Variants in C5AR2 observed in about 807,000 individuals in gnomAD.
The protein encoded by C5AR2 is complement C5a receptor 2, also known as C5a anaphylatoxin chemotactic receptor 2.
For synonymous variants in C5AR2, 224 were observed against 216.5 expected (o/e 1.03, Z -0.30); for missense variants, 458 against 467.5 (o/e 0.98, Z 0.19).
chr19:47,341,674 T>C lies in C5AR2; in HGVS notation c.875T>C (p.Leu292Pro), dbSNP rs1568671556. ...AHSCLNPMLFLYFGRAQLRRS... is the reference protein window; with the variant it reads ...AHSCLNPMLFPYFGRAQLRRS... ...AGCTGCCTCAATCCCATGCTCTTCC[T>C]GTATTTTGGGAGGGCTCAACTCCGC... The change falls in exon 2 of 2, where the codon CTG (leucine) becomes CCG (proline). Residue 292 changes from leucine to proline, a missense_variant. By Grantham distance (98) the Leu-to-Pro change is moderately conservative (BLOSUM62 -3). Transcript: ENST00000595464. This position sits in a 1 kb window ranked among gnomAD's most constrained non-coding sequence, Gnocchi z 4.6. The C allele has an allele frequency of 6.2e-7, 1 of 1,614,080 alleles. No individual in the cohort carries two copies. Among genetic ancestry groups the C allele is most frequent in the Non-Finnish European group, 8.5e-7 (1 of 1,180,022 alleles).
At chr19:47,333,938 G>A (rs1208049449) in intron 1 of C5AR2, among the ~76,000 whole-genome samples, 1 of 152,148 alleles carries the variant, frequency 6.6e-6, no homozygotes, top group Non-Finnish European at 1.5e-5. Flanking sequence ...AAGACTGGAT[G>A]CACAGACAGG....
intron 1 of C5AR2, among the ~76,000 whole-genome samples, chr19:47,334,345 TA>T (rs2059349487): frequency 1.3e-5 from 2 of 151,952 alleles, no homozygotes; most frequent in Admixed American, 6.6e-5. Flanking sequence ...CAACCCATCG[TA>T]AGGCTGGGCA....
intron 1 of C5AR2, among the ~76,000 whole-genome samples, chr19:47,339,751 C>T (rs1002642855): frequency 3.3e-5 from 5 of 152,090 alleles, no homozygotes; most frequent in African/African-American, 9.7e-5. Flanking sequence ...GTTCTCGATG[C>T]CTGAAACACT....
chr19:47,340,163 C>T (rs983623825), intron 1 of C5AR2, among the ~76,000 whole-genome samples: 1 of 151,462 alleles, frequency 6.6e-6, no homozygotes, highest in African/African-American at 2.4e-5. Context: ...CCCTATGTTG[C>T]CCAGGCTGGT....
chr19:47,344,990 C>G lies in C5AR2; in HGVS notation c.*3177C>G, dbSNP rs907804863. 3 of 152,148 alleles carry G rather than the reference C, an allele frequency of 2.0e-5. No individual in the cohort carries two copies. Among genetic ancestry groups the G allele is most frequent in the Non-Finnish European group, 4.4e-5 (3 of 68,068 alleles). 9.4% of individuals were successfully genotyped at this position (152,148 alleles called of 1,614,324 possible). A position where few individuals can be genotyped will look rare whatever the true frequency, so the allele number is the denominator to read the frequency against. ...GTTTCACCATGTTGGCCAGGCTGGT[C>G]TCGAACTCCTGACCTCAGGTGATCC... On this transcript the variant is annotated 3_prime_UTR_variant, in exon 2 of 2. Transcript: ENST00000595464.
At chr19:47,335,272 T>C (rs1340618107) in intron 1 of C5AR2, among the ~76,000 whole-genome samples, 1 of 152,082 alleles carries the variant, frequency 6.6e-6, no homozygotes, top group East Asian at 1.9e-4. Context: ...GACAGTGGAC[T>C]GTTTTTGATG....
chr19:47,339,034 A>C (rs1208569245), intron 1 of C5AR2, among the ~76,000 whole-genome samples: 3 of 151,640 alleles, frequency 2.0e-5, no homozygotes, highest in Non-Finnish European at 4.4e-5. Context: ...TGTACCTGTA[A>C]TCTCAGCTAC....
At chr19:47,337,770 T>C (rs1026348046) in intron 1 of C5AR2, among the ~76,000 whole-genome samples, 4 of 152,020 alleles carry the variant, frequency 2.6e-5, no homozygotes, top group Non-Finnish European at 2.9e-5. Flanking sequence ...TTCAGACAGT[T>C]ATTATAAGGT....
chr19:47,333,937 T>A (rs1053436048), intron 1 of C5AR2, among the ~76,000 whole-genome samples: 1 of 152,160 alleles, frequency 6.6e-6, no homozygotes, highest in African/African-American at 2.4e-5. Flanking sequence ...CAAGACTGGA[T>A]GCACAGACAG....
chr19:47,344,660 A>G lies in C5AR2; in HGVS notation c.*2847A>G, dbSNP rs1056121659. On this transcript the variant is annotated 3_prime_UTR_variant, in exon 2 of 2. Transcript: ENST00000595464. Reference sequence around the variant, plus strand: ...TCCTCCAGGAAGCCCTCCCTGATTTATGCTCCTTCCAGAAAGAATGGGCTC... The same window carrying G: ...TCCTCCAGGAAGCCCTCCCTGATTTGTGCTCCTTCCAGAAAGAATGGGCTC... 3 of 152,164 alleles carry G rather than the reference A, an allele frequency of 2.0e-5. No individual in the cohort carries two copies. Among genetic ancestry groups the G allele is most frequent in the Non-Finnish European group, 4.4e-5 (3 of 68,032 alleles). 9.4% of individuals were successfully genotyped at this position (152,164 alleles called of 1,614,324 possible).
At position 47,335,861 on chromosome 19, in the gene C5AR2, G is replaced by A. The variant is rs577613831; in HGVS notation, c.-16+3512G>A. On this transcript the variant is annotated intron_variant, in intron 1 of 1. Transcript: ENST00000595464. ...GGGCCAGGAAGGGTGGAGTCTTTGC[G>A]GGGTGAGAGGATGCGTGTGGACAGT... Among the ~76,000 whole-genome samples the A allele has an allele frequency of 1.2e-4, 18 of 145,364 alleles. No individual in the cohort carries two copies. In the South Asian group the frequency reaches 1.3e-3, roughly 11 times the overall value.
At position 47,335,771 on chromosome 19, in the gene C5AR2, C is replaced by CAAAAAAAAAAA. The variant is rs768761019; in HGVS notation, c.-16+3443_-16+3453dup. 3.5e-3 allele frequency among the ~76,000 whole-genome samples: 80 copies of CAAAAAAAAAAA among 23,032 alleles called. 35 individuals are homozygous for CAAAAAAAAAAA. Among genetic ancestry groups the CAAAAAAAAAAA allele is most frequent in the African/African-American group, 4.2e-3 (20 of 4,748 alleles). 15.1% of individuals were successfully genotyped at this position (23,032 alleles called of 152,430 possible). A position where few individuals can be genotyped will look rare whatever the true frequency, so the allele number is the denominator to read the frequency against. On this transcript the variant is annotated intron_variant, in intron 1 of 1. Coordinates refer to ENST00000595464, the MANE Select transcript of C5AR2 (RefSeq NM_001271749.2). ...TGGGCGACAGAGTGATACTCCGTCT[C>CAAAAAAAAAAA]AAAAAAAAAAAAAAAAAAAAAAAAA...
At chr19:47,339,972 T>A (rs2122169150) in intron 1 of C5AR2, among the ~76,000 whole-genome samples, 1 of 152,210 alleles carries the variant, frequency 6.6e-6, no homozygotes, top group East Asian at 1.9e-4. Flanking sequence ...CTATTTTTTT[T>A]TATTTTTTGA....
At chr19:47,334,065 G>A (rs1035652996) in intron 1 of C5AR2, among the ~76,000 whole-genome samples, 7 of 151,940 alleles carry the variant, frequency 4.6e-5, no homozygotes, top group African/African-American at 1.5e-4. Context: ...ACCAAATATC[G>A]ACCATGCCTG....
intron 1 of C5AR2, among the ~76,000 whole-genome samples, chr19:47,340,476 AT>A (rs1231776412): frequency 6.6e-6 from 1 of 151,078 alleles, no homozygotes; most frequent in Non-Finnish European, 1.5e-5. Context: ...AGTAGCTGGG[AT>A]TACAGGTGCC....
chr19:47,339,777 G>A (rs145264437), intron 1 of C5AR2, among the ~76,000 whole-genome samples: 3 of 152,112 alleles, frequency 2.0e-5, no homozygotes, highest in East Asian at 3.9e-4. Flanking sequence ...CCCAGATCTC[G>A]ATGCATCTCT....
rs745667749 is a variant in C5AR2 at position 47,341,829 on chromosome 19, T to G, written c.*16T>G. 3.7e-6 allele frequency: 6 copies of G among 1,609,338 alleles called. No homozygotes were observed. The highest frequency in any genetic ancestry group is 5.1e-6 in the Non-Finnish European group (6 of 1,176,924). On this transcript the variant is annotated 3_prime_UTR_variant, in exon 2 of 2. Coordinates refer to ENST00000595464, the MANE Select transcript of C5AR2 (RefSeq NM_001271749.2). This position sits in a 1 kb window ranked among gnomAD's most constrained non-coding sequence, Gnocchi z 4.6. ...GGAGGTGTAGGCTGGAGAGACATTG[T>G]GGGTGTGTATCTTCTTATCTCATTT...
chr19:47,337,490 C>T (rs545160362), intron 1 of C5AR2, among the ~76,000 whole-genome samples: 11 of 152,058 alleles, frequency 7.2e-5, no homozygotes, highest in South Asian at 4.2e-4. Flanking sequence ...GATGAAACCC[C>T]GTATCTACTA....
rs1969095279 is a variant in C5AR2 at position 47,344,784 on chromosome 19, A to AT, written c.*2978dup. On this transcript the variant is annotated 3_prime_UTR_variant, in exon 2 of 2. Transcript: ENST00000595464. The stretch of plus-strand genomic sequence containing the variant: ...ATTTTTTTTAATTTAATTTAATTTT[A>AT]TTTTTTTGAGATGAAGTCTTGCTCT... The AT allele has an allele frequency of 6.6e-6, 1 of 151,830 alleles. No homozygotes were observed. Among genetic ancestry groups the AT allele is most frequent in the Non-Finnish European group, 1.5e-5 (1 of 67,956 alleles). 9.4% of individuals were successfully genotyped at this position (151,830 alleles called of 1,614,324 possible).
Sources: gnomAD v4.1 joint callset for allele counts (sites outside exome capture counted in the v4.1 genomes callset) on GRCh38, gnomAD v4.1.1 for gene constraint, Gnocchi (gnomAD v3.1) non-coding constraint, MANE v1.5 for transcripts, NCBI Gene and HGNC (gene_info 2026-07-23, HGNC 2026-07-21) for gene names.